Variants in FER observed in about 807,000 individuals in gnomAD.
FER encodes the protein tyrosine-protein kinase Fer.
Under a neutral mutation model 111.0 loss-of-function variants are expected in FER, and 63 were observed. That is an observed-to-expected ratio of 0.57 (90% confidence interval 0.46 to 0.70). FER has a LOEUF of 0.70. FER is among the 30% of genes least tolerant of loss of function. The pLI, the probability that FER is intolerant of heterozygous loss-of-function variation, is 0.00. For missense variants in FER, 914 were observed against 954.0 expected (o/e 0.96, Z 0.55); for synonymous variants, 327 against 313.9 (o/e 1.04, Z -0.44).
intron 13 of FER, among the ~76,000 whole-genome samples, chr5:109,033,414 A>G (rs1015990753): frequency 6.2e-4 from 95 of 152,266 alleles, no homozygotes; most frequent in African/African-American, 2.3e-3. Flanking sequence ...TCCTTTGGAT[A>G]GAAGGGGAGA....
chr5:108,979,891 T>G (rs1260260508), intron 13 of FER, among the ~76,000 whole-genome samples: 1 of 152,142 alleles, frequency 6.6e-6, no homozygotes, highest in East Asian at 1.9e-4. Flanking sequence ...CTGCACTGTT[T>G]GTGAGTTGTG....
chr5:108,771,707 C>T (rs1396284737), intron 2 of FER, among the ~76,000 whole-genome samples: 3 of 152,090 alleles, frequency 2.0e-5, no homozygotes, highest in African/African-American at 7.2e-5. Flanking sequence ...AACATTTTGC[C>T]ACATTTTCTT....
At chr5:109,016,986 C>T (rs1018830875) in intron 13 of FER, among the ~76,000 whole-genome samples, 5 of 151,994 alleles carry the variant, frequency 3.3e-5, no homozygotes, top group Admixed American at 2.0e-4. Flanking sequence ...GGGAAGAAGG[C>T]AGTCTGCAAT....
intron 13 of FER, among the ~76,000 whole-genome samples, chr5:109,033,345 G>A (rs1306174329): frequency 1.3e-5 from 2 of 152,180 alleles, no homozygotes; most frequent in Non-Finnish European, 2.9e-5. Flanking sequence ...CTCTGGAGCA[G>A]TTGTTAAGGA....
intron 2 of FER, among the ~76,000 whole-genome samples, chr5:108,771,395 T>C (rs1188780887): frequency 6.6e-6 from 1 of 152,186 alleles, no homozygotes; most frequent in African/African-American, 2.4e-5. Context: ...AGCTGAGAGG[T>C]AGTAGTAGAA....
intron 16 of FER, among the ~76,000 whole-genome samples, chr5:109,057,429 G>T (rs1374288469): frequency 6.6e-6 from 1 of 152,122 alleles, no homozygotes; most frequent in African/African-American, 2.4e-5. Flanking sequence ...AGAGAGAGGT[G>T]ATATCACCAC....
intron 13 of FER, among the ~76,000 whole-genome samples, chr5:108,978,013 A>G (rs915231123): frequency 6.6e-6 from 1 of 152,042 alleles, no homozygotes; most frequent in Admixed American, 6.6e-5. Flanking sequence ...CGATTGGCTA[A>G]TATTTGTATT....
At chr5:108,762,078 T>A (rs1182706448) in intron 1 of FER, among the ~76,000 whole-genome samples, 1 of 151,050 alleles carries the variant, frequency 6.6e-6, no homozygotes, top group Non-Finnish European at 1.5e-5. Context: ...ACCTGGCTAA[T>A]TTTTTTTTGT....
intron 3 of FER, among the ~76,000 whole-genome samples, 168 bp from the exon 4 acceptor site, chr5:108,832,602 G>C (rs994858533): frequency 2.6e-5 from 4 of 152,130 alleles, no homozygotes; most frequent in African/African-American, 9.7e-5. Context: ...AGTTGAAGAC[G>C]TTAAATATGA....
intron 17 of FER, among the ~76,000 whole-genome samples, chr5:109,126,282 C>T (rs892169703): frequency 2.0e-5 from 3 of 152,104 alleles, no homozygotes; most frequent in African/African-American, 7.2e-5. Flanking sequence ...GTTAAGAACC[C>T]TGCGGTTTGC....
chr5:109,061,989 CTTTG>C (rs1417422499), intron 16 of FER, among the ~76,000 whole-genome samples: 1 of 147,904 alleles, frequency 6.8e-6, no homozygotes, highest in Non-Finnish European at 1.5e-5. Context: ...ATGATTCTGT[CTTTG>C]TTTGAATCAT....
At chr5:108,764,309 C>G (rs1211011679) in intron 1 of FER, among the ~76,000 whole-genome samples, 1 of 152,144 alleles carries the variant, frequency 6.6e-6, no homozygotes, top group Non-Finnish European at 1.5e-5. Context: ...GATATAACTA[C>G]TTCATTTATT....
intron 16 of FER, among the ~76,000 whole-genome samples, chr5:109,092,589 A>G (rs1042137784): frequency 6.6e-6 from 1 of 152,150 alleles, no homozygotes; most frequent in Non-Finnish European, 1.5e-5. Flanking sequence ...GATGGCCACT[A>G]TAAAAAAAGT....
At chr5:108,850,737 C>T (rs1352963167) in intron 5 of FER, among the ~76,000 whole-genome samples, 1 of 152,004 alleles carries the variant, frequency 6.6e-6, no homozygotes, top group Non-Finnish European at 1.5e-5. Flanking sequence ...TAGGGCAGAT[C>T]ATAATTGATT....
chr5:109,124,529 T>C (rs1751416072), intron 17 of FER, among the ~76,000 whole-genome samples: 1 of 152,202 alleles, frequency 6.6e-6, no homozygotes, highest in Admixed American at 6.5e-5. Flanking sequence ...TGAAGCATAA[T>C]ATCTGCCAGC....
intron 17 of FER, among the ~76,000 whole-genome samples, chr5:109,137,034 G>A (rs1042267373): frequency 3.3e-5 from 5 of 152,114 alleles, no homozygotes; most frequent in Non-Finnish European, 7.3e-5. Context: ...AGTGCTGTGC[G>A]TTAAAATAGC....
At chr5:109,082,586 AC>A (rs1377455051) in intron 16 of FER, among the ~76,000 whole-genome samples, 2 of 151,928 alleles carry the variant, frequency 1.3e-5, no homozygotes, top group South Asian at 2.1e-4. Context: ...CGAAAGACAA[AC>A]TTTTTATATT....
chr5:109,149,339 T>A (rs889993477), intron 17 of FER, among the ~76,000 whole-genome samples: 2 of 152,162 alleles, frequency 1.3e-5, no homozygotes, highest in Non-Finnish European at 2.9e-5. Flanking sequence ...AAAGAGTATC[T>A]GGAGCATGAG....
At chr5:108,868,019 T>A in intron 6 of FER, 69 bp downstream of exon 6, 4 of 1,441,174 alleles carry the variant, frequency 2.8e-6, no homozygotes, top group Non-Finnish European at 3.8e-6. Context: ...TCTCTCTAGT[T>A]TAGGTGTTGC....
Sources: gnomAD v4.1 joint callset for allele counts (sites outside exome capture counted in the v4.1 genomes callset) on GRCh38, gnomAD v4.1.1 for gene constraint, MANE v1.5 for transcripts, NCBI Gene and HGNC (gene_info 2026-07-23, HGNC 2026-07-21) for gene names.